Variants in TKT observed in about 807,000 individuals in gnomAD.
TKT encodes the protein epididymis luminal protein 107.
In TKT, 47 loss-of-function variants were observed where a neutral mutation model predicts 63.9. That is an observed-to-expected ratio of 0.74 (90% CI 0.58 to 0.94). The LOEUF is 0.94. TKT is among the 40% of genes least tolerant of loss of function. TKT has a pLI of 0.00. For missense variants in TKT, 721 were observed against 846.2 expected, an observed-to-expected ratio of 0.85 and a Z score of 1.84; for synonymous variants, 338 against 334.1, an observed-to-expected ratio of 1.01 and a Z score of -0.13.
chr3:53,255,176 T>C (rs1158214923), intron 1 of TKT, among the ~76,000 whole-genome samples: 1 of 152,114 alleles, frequency 6.6e-6, no homozygotes, highest in African/African-American at 2.4e-5. Context: ...CTGCCTGGCG[T>C]CTCAGCAGCC....
At chr3:53,238,766 G>A (rs62255988) in intron 4 of TKT, among the ~76,000 whole-genome samples, 48,141 of 152,110 alleles carry the variant, frequency 0.32, 8,634 homozygotes, top group Non-Finnish European at 0.39. Context: ...GATGGCCTAG[G>A]CCAGCATCTT....
intron 1 of TKT, among the ~76,000 whole-genome samples, chr3:53,245,733 C>T (rs62255994): frequency 0.16 from 24,442 of 151,942 alleles, 2,580 homozygotes; most frequent in Middle Eastern, 0.27. Flanking sequence ...TGCAATGAGC[C>T]GAGATCATGC....
rs1553676799 is a variant in TKT, at chr3:53,230,573, C to T, written c.991G>A (p.Ala331Thr). The change falls in exon 8 of 14, where the codon GCC becomes ACC. Residue 331 changes from alanine (A) to threonine (T), a missense_variant. Physicochemically the swap from Ala to Thr is moderately conservative, Grantham distance 58 (BLOSUM62 0). Transcript: ENST00000462138. ...YGQALAKLGHASDRIIALDGD... is the reference protein window; with the variant it reads ...YGQALAKLGHTSDRIIALDGD... ...TCCAGGGCGATGATGCGGTCACTGG[C>T]ATGGCCCAGCTTGGCCAGTGCCTGC... 3 of 1,614,244 alleles carry T rather than the reference C, an allele frequency of 1.9e-6. No individual in the cohort carries two copies. In the African/African-American group the frequency reaches 4.0e-5, roughly 22 times the overall value.
chr3:53,246,776 G>T (rs782247445), intron 1 of TKT, among the ~76,000 whole-genome samples: 1 of 151,812 alleles, frequency 6.6e-6, no homozygotes, highest in East Asian at 1.9e-4. Context: ...GTTTGAACCC[G>T]GGAGGCGGAG....
chr3:53,235,163 T>G lies in TKT; in HGVS notation c.449A>C (p.Tyr150Ser). ...CAGCTCCCCGTCTCCCAGCAAGCAA[T>G]AGACTCGGTAGCTGTGGACAGAGAG... is the stretch of plus-strand genomic sequence containing the variant. ...KYFDKASYRVYCLLGDGELSE... is the reference protein window; with the variant it reads ...KYFDKASYRVSCLLGDGELSE... The change falls in exon 5 of 14, where the codon TAT (tyrosine) becomes TCT (serine). Residue 150 changes from tyrosine to serine, a missense_variant. Tyr to Ser is a moderately radical substitution (Grantham distance 144, BLOSUM62 -2). Transcript: ENST00000462138. The G allele has an allele frequency of 1.2e-6, 2 of 1,611,428 alleles. No individual in the cohort carries two copies. Among genetic ancestry groups the G allele is most frequent in the Non-Finnish European group, 1.7e-6 (2 of 1,178,772 alleles).
At position 53,255,901 on chromosome 3, in the gene TKT, G is replaced by A. The variant is rs1705973195; in HGVS notation, c.42C>T (p.Ala14=). 1.3e-5 allele frequency: 20 copies of A among 1,547,966 alleles called. No individual in the cohort carries two copies. The highest frequency in any genetic ancestry group is 1.7e-5 in the Non-Finnish European group (19 of 1,147,432). The stretch of plus-strand genomic sequence containing the variant: ...GTAGGCGGTTGGCCGTGTCCTTCAA[G>A]GCCTGCAGCTTCTGCTGGTCAGGCT... ...YHKPDQQKLQ[A]LKDTANRLRI... is the part of the protein sequence containing the mutation. Residue 14 remains alanine, a synonymous_variant, in exon 1 of 14, where the codon GCC becomes GCT. Transcript: ENST00000462138.
At chr3:53,249,038 C>A (rs1022070230) in intron 1 of TKT, among the ~76,000 whole-genome samples, 19 of 152,116 alleles carry the variant, frequency 1.2e-4, no homozygotes, top group Admixed American at 5.2e-4. Context: ...ACAATCTTGG[C>A]TCACTGCAAC....
chr3:53,227,759 T>G, intron 12 of TKT: 1 of 340,714 alleles, frequency 2.9e-6, no homozygotes, highest in Admixed American at 4.6e-5. Flanking sequence ...GGCTGAGTGA[T>G]TCCAGCCCAG....
chr3:53,228,035 T>TTGGAGGCCCCTTCTCCTCACCCTC (rs782701547), intron 12 of TKT, 21 bp downstream of exon 12: 2 of 1,610,588 alleles, frequency 1.2e-6, no homozygotes, highest in Non-Finnish European at 1.7e-6. Context: ...GTTGATGACT[T>TTGGAGGCCCCTTCTCCTCACCCTC]TGGAGGCCCC....
chr3:53,241,301 C>A, intron 2 of TKT, 56 bp from the exon 3 acceptor site: 1 of 1,482,884 alleles, frequency 6.7e-7, no homozygotes, highest in Non-Finnish European at 9.1e-7. Context: ...CTACTTCGGG[C>A]TGTGCCTACT....
chr3:53,225,690 A>ATCTT lies in TKT; in HGVS notation c.*62_*65dup, dbSNP rs1210682916. 6.0e-6 allele frequency: 9 copies of ATCTT among 1,489,732 alleles called. No individual in the cohort carries two copies. Among genetic ancestry groups the ATCTT allele is most frequent in the Non-Finnish European group, 8.1e-6 (9 of 1,104,738 alleles). The allele number at this position is 1,489,732 out of a possible 1,614,324, so 92.3% of individuals were successfully genotyped here. Reference sequence around the variant, plus strand: ...ATATATTTACCCCTCCTCTCAGTACATCTTTGAGCACCTTTCCCAGAATCT... The same window carrying ATCTT: ...ATATATTTACCCCTCCTCTCAGTACATCTTTCTTTGAGCACCTTTCCCAGAATCT... On this transcript the variant is annotated 3_prime_UTR_variant, in exon 14 of 14. Transcript: ENST00000462138.
chr3:53,228,116 C>T lies in TKT; in HGVS notation c.1513G>A (p.Val505Ile), dbSNP rs140330385. The change falls in exon 12 of 14, where the codon GTT (valine) becomes ATT (isoleucine). Residue 505 changes from valine (V) to isoleucine (I), a missense_variant. Transcript: ENST00000462138. ...TGCAGGGTCACCCCAGCCCCGATAA[C>T]GGTCACCTGGTCATCCTTGCTCTTC... The part of the protein sequence containing the change: ...VLKSKDDQVT[V>I]IGAGVTLHEA... 27 of 1,613,934 alleles carry T rather than the reference C, an allele frequency of 1.7e-5. No individual in the cohort carries two copies. Among genetic ancestry groups the T allele is most frequent in the Admixed American group, 1.7e-4 (10 of 60,004 alleles).
chr3:53,227,983 C>T (rs1220842763), intron 12 of TKT, 73 bp downstream of exon 12: 25 of 1,313,690 alleles, frequency 1.9e-5, no homozygotes, highest in South Asian at 1.0e-4. Flanking sequence ...ACAGAAAGAA[C>T]GAAAGAAAGA....
In TKT at chr3:53,240,635, G is replaced by A. The variant is rs114617821; in HGVS notation, c.340-287C>T. Among the ~76,000 whole-genome samples, 1,186 of 152,334 alleles carry A rather than the reference G, an allele frequency of 7.8e-3. 19 individuals are homozygous for A. Among genetic ancestry groups the A allele is most frequent in the African/African-American group, 0.027 (1,140 of 41,568 alleles). ...CACATCACCCACTTCACAAAGTGCT[G>A]GGAGAGAGAATCATGAAAAAATTGA... is the stretch of plus-strand genomic sequence containing the variant. On this transcript the variant is annotated intron_variant, in intron 3 of 13. Coordinates refer to ENST00000462138, the MANE Select transcript of TKT (RefSeq NM_001064.4).
chr3:53,233,282 CAG>C lies in TKT; in HGVS notation c.630-10_630-9del, dbSNP rs535012874. The C allele has an allele frequency of 3.2e-5, 51 of 1,606,068 alleles. No individual in the cohort carries two copies. Among genetic ancestry groups the C allele is most frequent in the Non-Finnish European group, 4.0e-5 (47 of 1,175,874 alleles). On this transcript the variant is annotated splice_polypyrimidine_tract_variant and intron_variant, in intron 5 of 13. Transcript: ENST00000462138. ...ACGATGATGGCATGCCAACTGGGGA[CAG>C]GGGGCAGAGAGTAAGGGGCAATTCC...
intron 12 of TKT, chr3:53,227,431 G>A (rs782129751): frequency 2.9e-4 from 46 of 158,340 alleles, no homozygotes; most frequent in Non-Finnish European, 2.6e-4. Context: ...ACCCTCCTCC[G>A]GCCTCCCTTC....
chr3:53,225,998 T>TGTCA, intron 13 of TKT, 67 bp from the exon 14 acceptor site: 1 of 1,499,210 alleles, frequency 6.7e-7, no homozygotes, highest in Non-Finnish European at 9.0e-7. Flanking sequence ...CCCAGCCCTC[T>TGTCA]GTCAGCCTTA....
At chr3:53,233,112 T>C (rs571183379) in intron 6 of TKT, 44 bp downstream of exon 6, 1 of 1,554,382 alleles carries the variant, frequency 6.4e-7, no homozygotes, top group South Asian at 1.1e-5. Context: ...CCACAGTGTC[T>C]GGGCGAGGGG....
At position 53,256,019 on chromosome 3, in the gene TKT, C is replaced by A. The variant is rs1470277041; in HGVS notation, c.-77G>T. 3.5e-6 allele frequency: 3 copies of A among 852,856 alleles called. No homozygotes were observed. Among genetic ancestry groups the A allele is most frequent in the East Asian group, 4.9e-5 (1 of 20,282 alleles). The allele number at this position is 852,856 out of a possible 1,614,324, so 52.8% of individuals were successfully genotyped here. On this transcript the variant is annotated 5_prime_UTR_variant, in exon 1 of 14. Transcript: ENST00000462138. ...TGCTCCCGCGGCGACAGGCGGCTGC[C>A]GAGGCCGGGCGCGGGGCGGGGGCGC...
Sources: gnomAD v4.1 joint callset for allele counts (sites outside exome capture counted in the v4.1 genomes callset) on GRCh38, gnomAD v4.1.1 for gene constraint, MANE v1.5 for transcripts, NCBI Gene and HGNC (gene_info 2026-07-23, HGNC 2026-07-21) for gene names.